Variants in RAB43 observed in about 807,000 individuals in gnomAD.
RAB43 encodes ras-related protein Rab-43.
A neutral mutation model predicts 18.8 loss-of-function variants in RAB43; 6 were observed. The observed-to-expected ratio is 0.32, with a 90% CI of 0.17 to 0.63. RAB43 has a LOEUF of 0.63. RAB43 is among the 30% of genes least tolerant of loss of function. The probability of loss-of-function intolerance (pLI) is 0.79; values close to 1 mark genes in which losing one functional copy is unlikely to be tolerated. For missense variants in RAB43, 195 were observed against 289.1 expected (o/e 0.67, Z 2.36); for synonymous variants, 103 against 124.1 (o/e 0.83, Z 1.13).
intron 1 of RAB43, among the ~76,000 whole-genome samples, chr3:129,110,132 T>G (rs1193271056): frequency 2.6e-5 from 4 of 152,066 alleles, no homozygotes. Flanking sequence ...CCCAAAGTGT[T>G]GGGATTATGG....
At chr3:129,109,739 C>G (rs1479423946) in intron 1 of RAB43, among the ~76,000 whole-genome samples, 2 of 150,580 alleles carry the variant, frequency 1.3e-5, no homozygotes, top group Non-Finnish European at 3.0e-5. Flanking sequence ...GAGACTCCAT[C>G]TAAAATAATA....
intron 1 of RAB43, among the ~76,000 whole-genome samples, chr3:129,120,353 T>A (rs1018331388): frequency 1.3e-5 from 2 of 152,304 alleles, no homozygotes; most frequent in Non-Finnish European, 1.5e-5. Context: ...CCCATCTCCC[T>A]GGCAGAGATC....
At chr3:129,103,638 C>T (rs866849232) in intron 1 of RAB43, among the ~76,000 whole-genome samples, 31 of 152,090 alleles carry the variant, frequency 2.0e-4, no homozygotes, top group African/African-American at 7.2e-4. Flanking sequence ...GATCTCTGCT[C>T]GCTGCAACCT....
In RAB43 at chr3:129,095,592, C is replaced by G. The variant is rs935840508; in HGVS notation, c.205-423G>C. On this transcript the variant is annotated intron_variant, in intron 1 of 2. Coordinates refer to ENST00000315150, the MANE Select transcript of RAB43 (RefSeq NM_198490.3). This position sits in a 1 kb window ranked among gnomAD's most constrained non-coding sequence, Gnocchi z 4.2. ...GGTACCCTCCCCTACAAGAGCATCA[C>G]GTACCCAGCTGTGTGTGAGGCTCCT... Among the ~76,000 whole-genome samples the G allele has an allele frequency of 6.6e-6, 1 of 152,318 alleles. No individual in the cohort carries two copies. Among genetic ancestry groups the G allele is most frequent in the Admixed American group, 6.5e-5 (1 of 15,306 alleles).
At chr3:129,100,529 CAA>C (rs1447000294) in intron 1 of RAB43, among the ~76,000 whole-genome samples, 4 of 152,200 alleles carry the variant, frequency 2.6e-5, no homozygotes, top group Admixed American at 6.5e-5. Context: ...AAACCACACA[CAA>C]GTTAAGTTTG....
chr3:129,096,117 C>A (rs1304508005), intron 1 of RAB43, among the ~76,000 whole-genome samples: 1 of 152,230 alleles, frequency 6.6e-6, no homozygotes, highest in Non-Finnish European at 1.5e-5. Flanking sequence ...GTCCATCAGC[C>A]CCCTTTGCAG....
rs568364933 is a variant in RAB43, at chr3:129,116,402, G to T, written c.204+4884C>A. ...TTCTTCAGAAAATCAGCACGACCTA[G>T]AACTTCTTTCTTATCTAACAGTCCT... On this transcript the variant is annotated intron_variant, in intron 1 of 2. Transcript: ENST00000315150. Among the ~76,000 whole-genome samples, 17 of 152,294 alleles carry T rather than the reference G, an allele frequency of 1.1e-4. No individual in the cohort carries two copies. In the South Asian group the frequency reaches 2.5e-3, roughly 22 times the overall value.
At chr3:129,113,686 C>T (rs970309611) in intron 1 of RAB43, among the ~76,000 whole-genome samples, 3 of 152,160 alleles carry the variant, frequency 2.0e-5, no homozygotes, top group Non-Finnish European at 2.9e-5. Flanking sequence ...TGGATAGGAG[C>T]TATTAATGGC....
intron 1 of RAB43, among the ~76,000 whole-genome samples, chr3:129,115,716 G>A (rs551593570): frequency 2.0e-5 from 3 of 152,234 alleles, no homozygotes; most frequent in African/African-American, 7.2e-5. Context: ...AGCTACTTGG[G>A]AGGCTGAGGC....
intron 1 of RAB43, 106 bp downstream of exon 1, chr3:129,121,180 G>T: frequency 1.9e-6 from 2 of 1,032,008 alleles, no homozygotes; most frequent in East Asian, 2.8e-5. Context: ...GAAGCCAAAG[G>T]AAACTTCAGA....
chr3:129,093,253 T>C (rs1933802439), intron 2 of RAB43, among the ~76,000 whole-genome samples: 2 of 151,890 alleles, frequency 1.3e-5, no homozygotes, highest in South Asian at 4.2e-4. Flanking sequence ...AGCCTCTCAG[T>C]GTTAGGATTA....
chr3:129,104,260 G>GC (rs1934613670), intron 1 of RAB43, among the ~76,000 whole-genome samples: 1 of 152,084 alleles, frequency 6.6e-6, no homozygotes, highest in Non-Finnish European at 1.5e-5. Context: ...AGCGGAAACC[G>GC]CACTTTCTCT....
At chr3:129,103,963 C>T (rs1021910161) in intron 1 of RAB43, among the ~76,000 whole-genome samples, 7 of 151,954 alleles carry the variant, frequency 4.6e-5, no homozygotes, top group African/African-American at 1.7e-4. Context: ...CACACACATG[C>T]ACACACACTT....
upstream of RAB43, chr3:129,121,938 A>T (rs1300662682): frequency 2.3e-4 from 26 of 113,260 alleles, no homozygotes; most frequent in African/African-American, 9.3e-4. Context: ...CCCGCCCCCG[A>T]CTCCGCCCTC....
At chr3:129,094,681 A>AT (rs199999191) in intron 2 of RAB43, among the ~76,000 whole-genome samples, 7 of 148,994 alleles carry the variant, frequency 4.7e-5, no homozygotes, top group Admixed American at 6.7e-5. Context: ...CAACCGGCTA[A>AT]TTTTTTTTTA....
chr3:129,109,782 T>C (rs1356057516), intron 1 of RAB43, among the ~76,000 whole-genome samples: 1 of 151,686 alleles, frequency 6.6e-6, no homozygotes, highest in Non-Finnish European at 1.5e-5. Flanking sequence ...AAGTTAGAAT[T>C]AAGTCTAAGT....
chr3:129,094,410 G>A (rs1933881590), intron 2 of RAB43, among the ~76,000 whole-genome samples: 1 of 151,348 alleles, frequency 6.6e-6, no homozygotes, highest in African/African-American at 2.4e-5. Flanking sequence ...AGAAGCCGGG[G>A]TACAAGAGCT....
intron 1 of RAB43, among the ~76,000 whole-genome samples, chr3:129,103,166 T>G (rs1245291585): frequency 1.3e-5 from 2 of 152,176 alleles, no homozygotes; most frequent in Admixed American, 1.3e-4. Flanking sequence ...CTCTCTGCCT[T>G]GGGAGAGGCT....
At chr3:129,108,911 C>T (rs1476277986) in intron 1 of RAB43, among the ~76,000 whole-genome samples, 1 of 152,100 alleles carries the variant, frequency 6.6e-6, no homozygotes, top group African/African-American at 2.4e-5. Flanking sequence ...ATGAAGCCCA[C>T]AACATCCCCT....
Sources: gnomAD v4.1 joint callset for allele counts (sites outside exome capture counted in the v4.1 genomes callset) on GRCh38, gnomAD v4.1.1 for gene constraint, Gnocchi (gnomAD v3.1) non-coding constraint, MANE v1.5 for transcripts, NCBI Gene and HGNC (gene_info 2026-07-23, HGNC 2026-07-21) for gene names.